Variants in RTL4 observed in about 807,000 individuals in gnomAD.
The protein encoded by RTL4 is retrotransposon Gag like 4.
In RTL4, 4 loss-of-function variants were observed where a neutral mutation model predicts 5.3. That is an observed-to-expected ratio of 0.75 (90% CI 0.37 to 1.72). The LOEUF (loss-of-function observed/expected upper bound fraction) is 1.72, where lower values mean the gene tolerates loss of function less well. RTL4 is among the 40% of genes most tolerant of loss of function. The pLI, the probability that RTL4 is intolerant of heterozygous loss-of-function variation, is 0.04. For missense variants in RTL4, 260 were observed against 227.1 expected (o/e 1.14, Z -0.93); for synonymous variants, 98 against 87.3 (o/e 1.12, Z -0.68).
At chrX:112,211,472 A>T in the RTL4 span, among the ~76,000 whole-genome samples, 2 of 112,401 alleles carry the variant, frequency 1.8e-5, no homozygotes, top group South Asian at 7.4e-4. Context: ...GCTGCCTAGA[A>T]TTGGACCATG....
At chrX:112,144,197 C>A in the RTL4 span, among the ~76,000 whole-genome samples, 1 of 111,562 alleles carries the variant, frequency 9.0e-6, no homozygotes, top group Non-Finnish European at 1.9e-5. Flanking sequence ...AAAAACAGCT[C>A]TGGCTGCAGT....
At chrX:112,183,404 G>A in the RTL4 span, among the ~76,000 whole-genome samples, 3 of 111,933 alleles carry the variant, frequency 2.7e-5, no homozygotes, top group Admixed American at 9.5e-5. Context: ...TCAGTGTGCT[G>A]TATTCAGGAG....
the RTL4 span, among the ~76,000 whole-genome samples, chrX:112,436,801 C>T: frequency 2.7e-5 from 3 of 110,989 alleles, no homozygotes; most frequent in African/African-American, 9.8e-5. Context: ...GTCTGCTAAA[C>T]ACAAAACAGT....
the RTL4 span, among the ~76,000 whole-genome samples, chrX:112,383,959 A>ACC: frequency 8.9e-6 from 1 of 111,823 alleles, no homozygotes; most frequent in East Asian, 2.8e-4. Flanking sequence ...ATGCAAATGT[A>ACC]CCCCCTGAAT....
At chrX:112,203,176 T>G in the RTL4 span, among the ~76,000 whole-genome samples, 6,052 of 110,277 alleles carry the variant, frequency 0.055, 454 homozygotes, top group African/African-American at 0.19. Flanking sequence ...AACATAGGGG[T>G]TGCGAATATT....
At chrX:112,190,180 C>CTTTCTT in the RTL4 span, among the ~76,000 whole-genome samples, 13 of 100,383 alleles carry the variant, frequency 1.3e-4, no homozygotes, top group Admixed American at 1.1e-3. Flanking sequence ...TTCTTTCTTT[C>CTTTCTT]TTTCTTTCTT....
At chrX:112,254,438 T>C in the RTL4 span, among the ~76,000 whole-genome samples, 10 of 110,216 alleles carry the variant, frequency 9.1e-5, no homozygotes, top group Non-Finnish European at 1.7e-4. Context: ...CAAGTGATTC[T>C]CCTGCCTCAG....
chrX:112,309,135 T>G, the RTL4 span, among the ~76,000 whole-genome samples: 2 of 111,659 alleles, frequency 1.8e-5, no homozygotes, highest in Non-Finnish European at 3.8e-5. Context: ...TACCATAGAC[T>G]GGGTAGTTTA....
At chrX:112,296,549 GT>G in the RTL4 span, among the ~76,000 whole-genome samples, 8 of 107,898 alleles carry the variant, frequency 7.4e-5, no homozygotes, top group East Asian at 2.4e-3. Context: ...CCTGTTTTTT[GT>G]TTTCCCTTCC....
the RTL4 span, among the ~76,000 whole-genome samples, chrX:112,095,002 A>C: frequency 9.0e-6 from 1 of 111,427 alleles, no homozygotes; most frequent in Admixed American, 9.5e-5. Flanking sequence ...TTTTAAGATG[A>C]GAAAACATTT....
the RTL4 span, among the ~76,000 whole-genome samples, chrX:112,215,273 C>T: frequency 9.0e-6 from 1 of 111,486 alleles, no homozygotes; most frequent in Non-Finnish European, 1.9e-5. Context: ...GGGCACATCA[C>T]AATTCTTCTC....
the RTL4 span, among the ~76,000 whole-genome samples, chrX:112,321,407 G>A: frequency 1.0e-4 from 11 of 108,862 alleles, no homozygotes; most frequent in East Asian, 1.7e-3. Flanking sequence ...GTGGTGGCGC[G>A]TGCCTGTAGT....
the RTL4 span, among the ~76,000 whole-genome samples, chrX:112,314,114 C>T: frequency 3.6e-5 from 4 of 111,821 alleles, no homozygotes; most frequent in South Asian, 7.4e-4. Context: ...ATCAGTTAAA[C>T]GCCAAGTACT....
the RTL4 span, among the ~76,000 whole-genome samples, chrX:112,332,348 T>C: frequency 9.1e-6 from 1 of 110,233 alleles, no homozygotes; most frequent in African/African-American, 3.3e-5. Flanking sequence ...ACCCAAGGGA[T>C]TATAAATCAT....
At chrX:112,346,824 C>T in the RTL4 span, among the ~76,000 whole-genome samples, 2 of 111,312 alleles carry the variant, frequency 1.8e-5, no homozygotes, top group African/African-American at 6.5e-5. Flanking sequence ...AGCATGAGAA[C>T]CTATACAAAT....
chrX:112,353,123 C>G, the RTL4 span, among the ~76,000 whole-genome samples: 3 of 111,751 alleles, frequency 2.7e-5, no homozygotes, highest in Non-Finnish European at 5.6e-5. Context: ...CAAATAAAAA[C>G]CACATTGAAA....
chrX:112,231,243 T>A, the RTL4 span, among the ~76,000 whole-genome samples: 1 of 110,331 alleles, frequency 9.1e-6, no homozygotes, highest in East Asian at 2.8e-4. Context: ...CAAAGGATTA[T>A]AAATCATGCT....
At chrX:112,287,395 G>A in the RTL4 span, among the ~76,000 whole-genome samples, 1 of 111,979 alleles carries the variant, frequency 8.9e-6, no homozygotes, top group African/African-American at 3.2e-5. Flanking sequence ...TATAAAATAA[G>A]TTTGTTCCCA....
the RTL4 span, among the ~76,000 whole-genome samples, chrX:112,355,268 C>A: frequency 2.2e-4 from 24 of 110,909 alleles, no homozygotes; most frequent in Admixed American, 2.9e-4. Flanking sequence ...ACAACAACTT[C>A]ATTTTAATGA....
Sources: gnomAD v4.1 joint callset for allele counts (sites outside exome capture counted in the v4.1 genomes callset) on GRCh38, gnomAD v4.1.1 for gene constraint, MANE v1.5 for transcripts, NCBI Gene and HGNC (gene_info 2026-07-23, HGNC 2026-07-21) for gene names.